MYO18B: variants seen among roughly 807,000 people sequenced by gnomAD.
MYO18B encodes myosin XVIIIB.
MYO18B carries 204 observed loss-of-function variants against 273.0 expected under a neutral mutation model. The observed-to-expected ratio is 0.75, with a 90% CI of 0.67 to 0.84. The LOEUF is 0.84. Ranked by LOEUF, MYO18B falls within the 40% of genes least tolerant of loss-of-function variation. The pLI is 0.00. For missense variants in MYO18B, 3,212 were observed against 3,287.6 expected (o/e 0.98, Z 0.56); for synonymous variants, 1,330 against 1,305.7 (o/e 1.02, Z -0.40).
At position 26,027,064 on chromosome 22, in the gene MYO18B, A is replaced by G. The variant is rs368893983; in HGVS notation, c.7090A>G (p.Lys2364Glu). ...LLESRPSMGRKLSSPTTPRDM... is the reference protein window; with the variant it reads ...LLESRPSMGRELSSPTTPRDM... Reference sequence around the variant, plus strand: ...AGAATCCAGACCGAGCATGGGGAGAAAACTGAGCTCTCCGACCACACCCAG... The same window carrying G: ...AGAATCCAGACCGAGCATGGGGAGAGAACTGAGCTCTCCGACCACACCCAG... The change falls in exon 43 of 44, where the codon AAA becomes GAA. Residue 2364 changes from lysine (K) to glutamate (E), a missense_variant. By Grantham distance (56) the Lys-to-Glu change is moderately conservative. Coordinates refer to ENST00000335473, the MANE Select transcript of MYO18B (RefSeq NM_032608.7). The surrounding 1 kb of genome is among the most constrained non-coding windows in gnomAD (Gnocchi z 4.1). 7.1e-5 allele frequency: 115 copies of G among 1,614,004 alleles called. 1 individual carries two copies. In the African/African-American group the frequency reaches 1.1e-3, roughly 15 times the overall value.
intron 11 of MYO18B, among the ~76,000 whole-genome samples, chr22:25,792,497 C>CTTTTT (rs58679561): frequency 0.014 from 1,503 of 107,814 alleles, 46 homozygotes; most frequent in East Asian, 0.029. Context: ...TTTTTCTTTT[C>CTTTTT]TTTTTTTTTT....
At chr22:25,779,131 A>AT (rs961245121) in intron 8 of MYO18B, among the ~76,000 whole-genome samples, 3 of 151,948 alleles carry the variant, frequency 2.0e-5, no homozygotes, top group African/African-American at 4.8e-5. Context: ...AAAGAGTAAA[A>AT]TTTTTTTTAC....
rs2145590815 is a variant in MYO18B at position 25,769,443 on chromosome 22, G to A, written c.1512+15G>A. On this transcript the variant is annotated intron_variant, in intron 4 of 43. Transcript: ENST00000335473. ...ACTCAGACCAGGTGAGGGGGCTGCGGCCCTGGGAGCGGGAAGCGGCAGACA... is the reference window on the plus strand; with the variant it reads ...ACTCAGACCAGGTGAGGGGGCTGCGACCCTGGGAGCGGGAAGCGGCAGACA... 2.0e-6 allele frequency: 3 copies of A among 1,499,194 alleles called. No individual in the cohort carries two copies. Among genetic ancestry groups the A allele is most frequent in the South Asian group, 2.6e-5 (2 of 75,522 alleles). The allele number at this position is 1,499,194 out of a possible 1,614,324, so 92.9% of individuals were successfully genotyped here.
chr22:25,791,412 C>G (rs2087655911), intron 11 of MYO18B, among the ~76,000 whole-genome samples: 1 of 151,966 alleles, frequency 6.6e-6, no homozygotes, highest in African/African-American at 2.4e-5. Flanking sequence ...CTGGCCGGGT[C>G]CTCAGAGGCT....
chr22:26,038,781 A>G, the MYO18B span, among the ~76,000 whole-genome samples: 1,032 of 152,262 alleles, frequency 6.8e-3, 10 homozygotes, highest in African/African-American at 0.023. Flanking sequence ...CTTGTATCTT[A>G]TCTTTCCTGC....
intron 39 of MYO18B, among the ~76,000 whole-genome samples, chr22:25,980,663 GTTTTC>G (rs1367877673): frequency 2.0e-5 from 3 of 152,152 alleles, no homozygotes; most frequent in Admixed American, 1.3e-4. Context: ...GATTTTCAAA[GTTTTC>G]TTTTGTCACT....
At chr22:25,991,575 C>T (rs955888918) in intron 39 of MYO18B, among the ~76,000 whole-genome samples, 1 of 152,144 alleles carries the variant, frequency 6.6e-6, no homozygotes, top group South Asian at 2.1e-4. Context: ...CAGATAAAAT[C>T]CAATTAGAAA....
chr22:26,004,403 T>C (rs1223868544), intron 41 of MYO18B, among the ~76,000 whole-genome samples: 1 of 151,868 alleles, frequency 6.6e-6, no homozygotes, highest in Non-Finnish European at 1.5e-5. Context: ...TGTAGTGGAG[T>C]GTGTATCTCC....
intron 34 of MYO18B, among the ~76,000 whole-genome samples, chr22:25,925,336 C>T (rs1601590924): frequency 6.6e-6 from 1 of 151,170 alleles, no homozygotes; most frequent in East Asian, 2.0e-4. Context: ...CTTTATTTAT[C>T]CCTCAGAACA....
chr22:25,913,951 T>C (rs553891568), intron 33 of MYO18B, among the ~76,000 whole-genome samples: 1 of 152,342 alleles, frequency 6.6e-6, no homozygotes, highest in East Asian at 1.9e-4. Context: ...TCATGTGTCT[T>C]AAAAGTTCTA....
rs573033832 is a variant in MYO18B at position 25,773,549 on chromosome 22, C to G, written c.1869+1039C>G. Among the ~76,000 whole-genome samples, 5 of 152,082 alleles carry G rather than the reference C, an allele frequency of 3.3e-5. No homozygotes were observed. The East Asian group carries it at 9.7e-4, about 29-fold the overall frequency. On this transcript the variant is annotated intron_variant, in intron 7 of 43. Transcript: ENST00000335473. ...CACGATCTCGGCTCACTGCAAGCGC[C>G]GCCTCCCGGGTTCACGCCATTCTCC...
At chr22:26,047,524 C>T in the MYO18B span, among the ~76,000 whole-genome samples, 4 of 152,192 alleles carry the variant, frequency 2.6e-5, no homozygotes, top group African/African-American at 9.6e-5. Context: ...GAGGAGGTGT[C>T]GCCAATATAA....
chr22:25,978,500 A>G (rs938871487), intron 39 of MYO18B, among the ~76,000 whole-genome samples: 2 of 152,234 alleles, frequency 1.3e-5, no homozygotes, highest in South Asian at 4.1e-4. Flanking sequence ...AGGACTTGAT[A>G]TGCGAAACAA....
the MYO18B span, among the ~76,000 whole-genome samples, chr22:26,057,112 G>A: frequency 2.6e-5 from 4 of 151,808 alleles, no homozygotes; most frequent in African/African-American, 4.8e-5. Flanking sequence ...CTGGGTTCCC[G>A]GCCTTTTCCA....
At chr22:25,966,329 C>G (rs983981205) in intron 39 of MYO18B, among the ~76,000 whole-genome samples, 1 of 152,200 alleles carries the variant, frequency 6.6e-6, no homozygotes, top group Non-Finnish European at 1.5e-5. Flanking sequence ...CCCCTTCCAT[C>G]TACTTACTCC....
chr22:25,768,172 G>A lies in MYO18B; in HGVS notation c.256G>A (p.Gly86Arg). ...CAAGTCCAGCAGTGGCACCAGATCT[G>A]GAAGCCAGCAGATCTCTCAGGACGA... The part of the protein sequence containing the change: ...NSKSSSGTRS[G>R]SQQISQDDQS... Residue 86 changes from glycine to arginine, a missense_variant, in exon 4 of 44, where the codon GGA becomes AGA. Transcript: ENST00000335473. 3 of 1,613,084 alleles carry A rather than the reference G, an allele frequency of 1.9e-6. No individual in the cohort carries two copies. Among genetic ancestry groups the A allele is most frequent in the Non-Finnish European group, 2.5e-6 (3 of 1,179,594 alleles).
chr22:25,852,835 T>C (rs887439301), intron 21 of MYO18B, among the ~76,000 whole-genome samples: 7 of 152,194 alleles, frequency 4.6e-5, no homozygotes, highest in African/African-American at 1.7e-4. Flanking sequence ...TGTGTGAATG[T>C]AAACTGGTTA....
At chr22:26,017,209 T>A in intron 42 of MYO18B, among the ~76,000 whole-genome samples, 1 of 151,754 alleles carries the variant, frequency 6.6e-6, no homozygotes, top group South Asian at 2.1e-4. Flanking sequence ...CCTTCTTTTT[T>A]TAAATTTGTT....
intron 39 of MYO18B, among the ~76,000 whole-genome samples, chr22:25,972,241 G>C (rs914656831): frequency 7.9e-5 from 12 of 151,978 alleles, no homozygotes; most frequent in African/African-American, 1.2e-4. Context: ...GGAAAAGTGT[G>C]ACCAGAACCC....
Sources: gnomAD v4.1 joint callset for allele counts (sites outside exome capture counted in the v4.1 genomes callset) on GRCh38, gnomAD v4.1.1 for gene constraint, Gnocchi (gnomAD v3.1) non-coding constraint, MANE v1.5 for transcripts, NCBI Gene and HGNC (gene_info 2026-07-23, HGNC 2026-07-21) for gene names.